Variants in SYNE1 observed in about 807,000 individuals in gnomAD.
SYNE1 encodes the protein spectrin repeat containing nuclear envelope protein 1.
SYNE1 carries 616 observed loss-of-function variants against 1,111.0 expected under a neutral mutation model. The observed-to-expected ratio is 0.55, with a 90% CI of 0.52 to 0.59. SYNE1 has a LOEUF of 0.59. SYNE1 is among the 20% of genes least tolerant of loss of function. The pLI, the probability that SYNE1 is intolerant of heterozygous loss-of-function variation, is 0.00. For synonymous variants in SYNE1, 3,855 were observed against 3,825.8 expected, an observed-to-expected ratio of 1.01 and a Z score of -0.28; for missense variants, 10,006 against 10,417.0, an observed-to-expected ratio of 0.96 and a Z score of 1.72.
rs2097912154 is a variant in SYNE1, at chr6:152,407,032, T to C, written c.6705A>G (p.Glu2235=). Reference sequence around the variant, plus strand: ...AATTTACCTCAAATTCTTTAAGCAGTTCTTCAGCTCTGAGGTGGTTATCCA... The same window carrying C: ...AATTTACCTCAAATTCTTTAAGCAGCTCTTCAGCTCTGAGGTGGTTATCCA... ...SNLDNHLRAE[E]LLKEFESEVK... The change falls in exon 45 of 146, where the codon GAA becomes GAG. Residue 2235 remains glutamate, a synonymous_variant. Transcript: ENST00000367255. The C allele has an allele frequency of 6.2e-7, 1 of 1,614,002 alleles. No individual in the cohort carries two copies. Among genetic ancestry groups the C allele is most frequent in the African/African-American group, 1.3e-5 (1 of 75,028 alleles).
chr6:152,399,672 T>G lies in SYNE1; in HGVS notation c.7181A>C (p.Gln2394Pro), dbSNP rs1244195756. 1 of 1,614,186 alleles carries G rather than the reference T, an allele frequency of 6.2e-7. No individual in the cohort carries two copies. Among genetic ancestry groups the G allele is most frequent in the Non-Finnish European group, 8.5e-7 (1 of 1,180,014 alleles). The stretch of plus-strand genomic sequence containing the variant: ...GCTGGCCTGGGTTTTGGAGCACAAC[T>G]GGCTCACGGCTTCATGTTTCTTTAT... ...GLIKKHEAVS[Q>P]LCSKTQASLQ... The change falls in exon 48 of 146, where the codon CAG becomes CCG. Residue 2394 changes from glutamine (Q) to proline (P), a missense_variant. Around this residue, in one of 7 missense-constraint regions of SYNE1, gnomAD observed 4,955 missense variants for 5,017.2 expected, o/e 0.99. Transcript: ENST00000367255.
rs993798442 is a variant in SYNE1 at position 152,206,235 on chromosome 6, T to C, written c.22952A>G (p.Gln7651Arg). The change falls in exon 126 of 146, where the codon CAA becomes CGA. Residue 7651 changes from glutamine (Q) to arginine (R), a missense_variant. By Grantham distance (43) the Gln-to-Arg change is conservative. This residue lies in a region of SYNE1 where 2,182 missense variants were observed against 2,287.8 expected (regional missense o/e 0.95). Coordinates refer to ENST00000367255, the MANE Select transcript of SYNE1 (RefSeq NM_182961.4). ...CATGCTGGCTGATTTCCATTTCTCT[T>C]GGATTTCAGCGAGTTCGGCCTGCAA... ...AALQAELAEI[Q>R]EKWKSASMRL... 9 of 1,613,804 alleles carry C rather than the reference T, an allele frequency of 5.6e-6. No individual in the cohort carries two copies. Among genetic ancestry groups the C allele is most frequent in the South Asian group, 1.1e-5 (1 of 91,062 alleles).
At chr6:152,532,006 A>C (rs2099204934) in intron 4 of SYNE1, among the ~76,000 whole-genome samples, 1 of 152,182 alleles carries the variant, frequency 6.6e-6, no homozygotes, top group African/African-American at 2.4e-5. Flanking sequence ...ATTTTTGTAG[A>C]TATATACCCA....
At chr6:152,466,185 A>G in intron 16 of SYNE1, 107 bp from the exon 17 acceptor site, 1 of 690,862 alleles carries the variant, frequency 1.4e-6, no homozygotes, top group South Asian at 1.6e-5. Flanking sequence ...CAAATTTGTT[A>G]ATCTCAGTCT....
chr6:152,584,284 G>A (rs1300692946), intron 3 of SYNE1, among the ~76,000 whole-genome samples: 1 of 152,038 alleles, frequency 6.6e-6, no homozygotes, highest in African/African-American at 2.4e-5. Flanking sequence ...GAGAAAGAAA[G>A]AGATCACAAA....
chr6:152,351,743 C>T (rs2096744596), intron 70 of SYNE1, among the ~76,000 whole-genome samples: 2 of 152,194 alleles, frequency 1.3e-5, no homozygotes, highest in Non-Finnish European at 2.9e-5. Flanking sequence ...ATACCTGGCT[C>T]ACGCATCAGA....
chr6:152,332,525 T>C (rs1273044547), intron 77 of SYNE1, among the ~76,000 whole-genome samples: 4 of 152,282 alleles, frequency 2.6e-5, no homozygotes, highest in Non-Finnish European at 2.9e-5. Context: ...ACAGGATCCT[T>C]GGATGTTTTG....
intron 3 of SYNE1, among the ~76,000 whole-genome samples, chr6:152,587,286 A>T (rs1252012689): frequency 1.3e-5 from 2 of 152,182 alleles, no homozygotes; most frequent in African/African-American, 4.8e-5. Context: ...AGGGAAAAAT[A>T]AAAACATCCT....
chr6:152,227,632 A>C (rs1197566863), intron 115 of SYNE1, among the ~76,000 whole-genome samples: 2 of 152,194 alleles, frequency 1.3e-5, no homozygotes, highest in Non-Finnish European at 2.9e-5. Context: ...AAGAGATTAA[A>C]AGACCAGAAA....
In SYNE1 at chr6:152,449,555, C is replaced by T; in HGVS notation, c.3482G>A (p.Gly1161Glu). 1.9e-6 allele frequency: 3 copies of T among 1,614,072 alleles called. No individual in the cohort carries two copies. The highest frequency in any genetic ancestry group is 2.5e-6 in the Non-Finnish European group (3 of 1,179,946). Residue 1161 changes from glycine to glutamate, a missense_variant, in exon 28 of 146, where the codon GGA (glycine) becomes GAA (glutamate). Transcript: ENST00000367255. Reference protein sequence around the residue: ...KGEAIDTANHGEVKRAVEEIR... With the variant: ...KGEAIDTANHEEVKRAVEEIR... ...TACTTCAACGGCACGTTTAACCTCT[C>T]CGTGGTTGGCAGTATCGATGGCCTC...
chr6:152,411,089 A>C (rs1415553572), intron 42 of SYNE1, among the ~76,000 whole-genome samples: 1 of 152,218 alleles, frequency 6.6e-6, no homozygotes, highest in Non-Finnish European at 1.5e-5. Context: ...GTCTTTGTAC[A>C]TGATGTAAAA....
intron 9 of SYNE1, among the ~76,000 whole-genome samples, chr6:152,504,124 T>C (rs929503872): frequency 7.2e-5 from 11 of 152,198 alleles, no homozygotes; most frequent in African/African-American, 2.4e-4. Context: ...CATCCCACTC[T>C]AGGAATAATG....
chr6:152,369,835 T>C (rs2097147665), intron 59 of SYNE1, among the ~76,000 whole-genome samples: 1 of 151,708 alleles, frequency 6.6e-6, no homozygotes, highest in East Asian at 1.9e-4. Context: ...TACAAAAAAT[T>C]AGCCAGCCAT....
chr6:152,155,212 T>C, intron 132 of SYNE1, 170 bp from the exon 133 acceptor site: 1 of 675,298 alleles, frequency 1.5e-6, no homozygotes, highest in Non-Finnish European at 2.5e-6. Flanking sequence ...AGACAACTGC[T>C]TGAGCTAAAA....
intron 63 of SYNE1, among the ~76,000 whole-genome samples, chr6:152,364,584 T>C (rs1007884456): frequency 1.3e-5 from 2 of 150,954 alleles, no homozygotes; most frequent in African/African-American, 4.9e-5. Flanking sequence ...TCTTTTGTTC[T>C]AATAAGAAAA....
chr6:152,333,044 A>C (rs956133829), intron 77 of SYNE1, among the ~76,000 whole-genome samples: 2 of 152,116 alleles, frequency 1.3e-5, no homozygotes, highest in Admixed American at 6.6e-5. Flanking sequence ...TACCAAAAAA[A>C]CCCCAAATCC....
intron 116 of SYNE1, among the ~76,000 whole-genome samples, chr6:152,225,017 A>T (rs1028719623): frequency 3.3e-5 from 5 of 149,638 alleles, no homozygotes; most frequent in Admixed American, 1.3e-4. Flanking sequence ...TGATACTTTT[A>T]ATAAAACAGT....
intron 87 of SYNE1, chr6:152,316,041 T>C (rs1589902763): frequency 6.6e-6 from 1 of 152,384 alleles, no homozygotes; most frequent in African/African-American, 2.4e-5. Flanking sequence ...CTATATTTTA[T>C]TATATGATAA....
chr6:152,346,994 T>C, intron 73 of SYNE1, 65 bp downstream of exon 73: 1 of 1,586,014 alleles, frequency 6.3e-7, no homozygotes, highest in Non-Finnish European at 8.6e-7. Flanking sequence ...TTGTAAAAAG[T>C]CTCTAGACTG....
Sources: allele counts gnomAD v4.1 joint callset (sites outside exome capture counted in the v4.1 genomes callset), GRCh38; gene constraint gnomAD v4.1.1; regional missense constraint gnomAD v4.1.1; transcripts MANE v1.5; gene names NCBI Gene and HGNC (gene_info 2026-07-23, HGNC 2026-07-21).